The following PPM1J variants were observed in gnomAD, a reference collection of about 807,000 sequenced individuals.
The protein encoded by PPM1J is protein phosphatase, Mg2+/Mn2+ dependent 1J.
In PPM1J, 43 loss-of-function variants were observed where a neutral mutation model predicts 53.3. The observed-to-expected ratio is 0.81, with a 90% confidence interval of 0.63 to 1.04. PPM1J has a LOEUF of 1.04. Among genes scored for constraint, PPM1J ranks in the 50% least tolerant of loss-of-function variants. The pLI is 0.00. For synonymous variants in PPM1J, 267 were observed against 286.4 expected, an observed-to-expected ratio of 0.93 and a Z score of 0.68; for missense variants, 635 against 685.9, an observed-to-expected ratio of 0.93 and a Z score of 0.83.
rs750705334 is a variant in PPM1J at position 112,711,304 on chromosome 1, C to T, written c.1008G>A (p.Gly336=). ...FPRRVLPKEL[G]QRMLYRDQNM... ...TCTGGTCCCGGTACAACATCCTCTG[C>T]CCCAGCTCCTTGGGCAGAACTCTGC... Residue 336 remains glycine, a synonymous_variant, in exon 6 of 10, where the codon GGG becomes GGA. Coordinates refer to ENST00000309276, the MANE Select transcript of PPM1J (RefSeq NM_005167.7). 5 of 1,607,786 alleles carry T rather than the reference C, an allele frequency of 3.1e-6. No homozygotes were observed. In the South Asian group the frequency reaches 5.5e-5, roughly 18 times the overall value.
At chr1:112,712,125 A>G in intron 4 of PPM1J, 70 bp from the exon 5 acceptor site, 1 of 1,308,074 alleles carries the variant, frequency 7.6e-7, no homozygotes, top group Non-Finnish European at 1.1e-6. Context: ...TTCCAGAAAG[A>G]CCAGGCCCTC....
At position 112,712,982 on chromosome 1, in the gene PPM1J, C is replaced by T. The variant is rs1377305333; in HGVS notation, c.491G>A (p.Gly164Glu). The T allele has an allele frequency of 1.9e-6, 3 of 1,612,942 alleles. No individual in the cohort carries two copies. The highest frequency in any genetic ancestry group is 2.5e-6 in the Non-Finnish European group (3 of 1,179,652). The change falls in exon 3 of 10, where the codon GGA becomes GAA. Residue 164 changes from glycine to glutamate, a missense_variant. Physicochemically the swap from Gly to Glu is moderately conservative, Grantham distance 98. Transcript: ENST00000309276. ...WGLFDGHAGGGAAEMASRLLH... is the reference protein window; with the variant it reads ...WGLFDGHAGGEAAEMASRLLH... ...GAGCCGTGAGGCCATTTCAGCAGCT[C>T]CGCCCCCTGCATGCCCATCAAATAG...
chr1:112,714,648 T>G, intron 1 of PPM1J: 1 of 1,175,912 alleles, frequency 8.5e-7, no homozygotes, highest in Non-Finnish European at 1.1e-6. Flanking sequence ...GCCTTTAAGC[T>G]GCCGGGCCGC....
At chr1:112,712,703 G>A in intron 3 of PPM1J, 41 bp downstream of exon 3, 1 of 1,570,398 alleles carries the variant, frequency 6.4e-7, no homozygotes, top group Non-Finnish European at 8.7e-7. Context: ...GTTGGCCAGA[G>A]TGGTTGCCTA....
At position 112,713,413 on chromosome 1, in the gene PPM1J, C is replaced by G. The variant is rs951709912; in HGVS notation, c.441+84G>C. ...ATAGCCAGTGAGTTCATCAGGTCTTCCGCATGGCTCAGATTTAAAACCAGA... is the reference window on the plus strand; with the variant it reads ...ATAGCCAGTGAGTTCATCAGGTCTTGCGCATGGCTCAGATTTAAAACCAGA... On this transcript the variant is annotated intron_variant, in intron 2 of 9. Transcript: ENST00000309276. The G allele has an allele frequency of 4.3e-6, 4 of 939,372 alleles. No homozygotes were observed. The African/African-American group carries it at 6.4e-5, about 15-fold the overall frequency. 58.2% of individuals were successfully genotyped at this position (939,372 alleles called of 1,614,324 possible). A position where few individuals can be genotyped will look rare whatever the true frequency, so the allele number is the denominator to read the frequency against.
intron 3 of PPM1J, 104 bp downstream of exon 3, chr1:112,712,640 C>G: frequency 7.8e-7 from 1 of 1,278,432 alleles, no homozygotes; most frequent in Non-Finnish European, 1.1e-6. Flanking sequence ...TCTGCTCAGG[C>G]TCTCAAAGGT....
Position 112,712,433 on chromosome 1 carries a change from G to T in PPM1J, c.754C>A (p.Arg252Ser). Reference sequence around the variant, plus strand: ...CAGCCCCCCTCCACTTGGTGGCCACGCCGCTCCCGGGCCATCTGCTCATCC... The same window carrying T: ...CAGCCCCCCTCCACTTGGTGGCCACTCCGCTCCCGGGCCATCTGCTCATCC... ...LMDEQMARER[R>S]GHQVEGGCCA... The change falls in exon 4 of 10, where the codon CGT becomes AGT. Residue 252 changes from arginine to serine, a missense_variant. By Grantham distance (110) the Arg-to-Ser change is moderately radical (BLOSUM62 -1). Transcript: ENST00000309276. 1 of 1,613,804 alleles carries T rather than the reference G, an allele frequency of 6.2e-7. No homozygotes were observed. The highest frequency in any genetic ancestry group is 8.5e-7 in the Non-Finnish European group (1 of 1,179,928).
chr1:112,713,403 A>C, intron 2 of PPM1J, 94 bp downstream of exon 2: 1 of 846,196 alleles, frequency 1.2e-6, no homozygotes, highest in East Asian at 2.5e-5. Flanking sequence ...CAGTGAGTTC[A>C]TCAGGTCTTC....
Position 112,710,099 on chromosome 1 carries a change from C to T in PPM1J, c.*64G>A. ...TAAAGAAGGGTCAGGGAGACAACTT[C>T]AGAATTTGGGCTGTGAGAGGAGTAA... On this transcript the variant is annotated 3_prime_UTR_variant, in exon 10 of 10. Coordinates refer to ENST00000309276, the MANE Select transcript of PPM1J (RefSeq NM_005167.7). 8.0e-6 allele frequency: 12 copies of T among 1,491,546 alleles called. No homozygotes were observed. The highest frequency in any genetic ancestry group is 1.1e-5 in the Non-Finnish European group (12 of 1,123,068). The allele number at this position is 1,491,546 out of a possible 1,614,324, so 92.4% of individuals were successfully genotyped here.
At position 112,715,254 on chromosome 1, in the gene PPM1J, C is replaced by CCCGG. The variant is rs1675174991; in HGVS notation, c.44_47dup (p.Gly17ArgfsTer47). 3 of 1,366,044 alleles carry CCCGG rather than the reference C, an allele frequency of 2.2e-6. No individual in the cohort carries two copies. Among genetic ancestry groups the CCCGG allele is most frequent in the Non-Finnish European group, 2.8e-6 (3 of 1,068,502 alleles). The allele number at this position is 1,366,044 out of a possible 1,614,324, so 84.6% of individuals were successfully genotyped here. ...ATTTGGGGCGCGGAGGCGGAGCGCCCCCGGAGCTCACCAGGTGCGCCACGG... is the reference window on the plus strand; with the variant it reads ...ATTTGGGGCGCGGAGGCGGAGCGCCCCCGGCCGGAGCTCACCAGGTGCGCCACGG... On this transcript the variant is annotated frameshift_variant, in exon 1 of 10. Transcript: ENST00000309276. LOFTEE classifies it high-confidence loss of function. The surrounding 1 kb of genome is among the most constrained non-coding windows in gnomAD (Gnocchi z 4.4).
chr1:112,712,773 C>T lies in PPM1J; in HGVS notation c.700G>A (p.Gly234Arg). Reference sequence around the variant, plus strand: ...AGCTGGAAGGCATTCTCAACGGCCCCCACTACCAGGCTCTCGTGGCTCACT... The same window carrying T: ...AGCTGGAAGGCATTCTCAACGGCCCTCACTACCAGGCTCTCGTGGCTCACT... ...KEVSHESLVV[G>R]AVENAFQLMD... is the part of the protein sequence containing the mutation. The change falls in exon 3 of 10, where the codon GGG (glycine) becomes AGG (arginine). Residue 234 changes from glycine (G) to arginine (R), a missense_variant. Coordinates refer to ENST00000309276, the MANE Select transcript of PPM1J (RefSeq NM_005167.7). 6.2e-7 allele frequency: 1 copy of T among 1,611,898 alleles called. No homozygotes were observed. Among genetic ancestry groups the T allele is most frequent in the South Asian group, 1.1e-5 (1 of 90,938 alleles).
At position 112,710,608 on chromosome 1, in the gene PPM1J, G is replaced by C. The variant is rs147305772; in HGVS notation, c.1222C>G (p.Arg408Gly). 1.2e-6 allele frequency: 2 copies of C among 1,614,110 alleles called. No homozygotes were observed. The highest frequency in any genetic ancestry group is 1.7e-5 in the Admixed American group (1 of 60,022). The change falls in exon 9 of 10, where the codon CGA (arginine) becomes GGA (glycine). Residue 408 changes from arginine to glycine, a missense_variant. Coordinates refer to ENST00000309276, the MANE Select transcript of PPM1J (RefSeq NM_005167.7). Reference protein sequence around the residue: ...KPFLSCFPEVRVYDLTQYEHC... With the variant: ...KPFLSCFPEVGVYDLTQYEHC... The stretch of plus-strand genomic sequence containing the variant: ...TCATATTGTGTCAGGTCATACACTC[G>C]TACCTGGTGGGAGAAAAGGGCAGAG...
chr1:112,714,558 A>C, intron 1 of PPM1J: 1 of 998,326 alleles, frequency 1.0e-6, no homozygotes, highest in Non-Finnish European at 1.2e-6. Context: ...GGAGCCGGGA[A>C]GCGGGTGAGC....
chr1:112,713,105 G>A, intron 2 of PPM1J, 74 bp from the exon 3 acceptor site: 2 of 1,212,346 alleles, frequency 1.6e-6, no homozygotes, highest in Non-Finnish European at 2.2e-6. Flanking sequence ...TGTTATGCAA[G>A]GTGAATAACA....
At chr1:112,712,562 G>A in intron 3 of PPM1J, 105 bp from the exon 4 acceptor site, 5 of 1,205,712 alleles carry the variant, frequency 4.1e-6, no homozygotes, top group South Asian at 1.4e-5. Context: ...GCCCAGCCAG[G>A]CTACACTGGA....
At chr1:112,714,800 T>G (rs1675158762) in intron 1 of PPM1J, 176 bp downstream of exon 1, 2 of 1,268,790 alleles carry the variant, frequency 1.6e-6, no homozygotes, top group Non-Finnish European at 9.9e-7. Context: ...TGCCCCCCAC[T>G]GGAAAATGGG....
rs370837339 is a variant in PPM1J, at chr1:112,712,338, C to T, written c.842+7G>A. The T allele has an allele frequency of 5.6e-6, 9 of 1,601,512 alleles. No individual in the cohort carries two copies. In the African/African-American group the frequency reaches 9.4e-5, roughly 17 times the overall value. The stretch of plus-strand genomic sequence containing the variant: ...CTGTCGCCACCTTGGAGCCCCCTCC[C>T]CCATACCTGCTATCGCCTGCATTGG... On this transcript the variant is annotated splice_region_variant and intron_variant, in intron 4 of 9. Transcript: ENST00000309276.
rs1440548126 is a variant in PPM1J, at chr1:112,712,428, G to A, written c.759C>T (p.Gly253=). Residue 253 remains glycine (G), a synonymous_variant, in exon 4 of 10, where the codon GGC becomes GGT. Coordinates refer to ENST00000309276, the MANE Select transcript of PPM1J (RefSeq NM_005167.7). ...CACAGCAGCCCCCCTCCACTTGGTG[G>A]CCACGCCGCTCCCGGGCCATCTGCT... ...MDEQMARERR[G]HQVEGGCCAL... 1.2e-6 allele frequency: 2 copies of A among 1,613,914 alleles called. No homozygotes were observed. Among genetic ancestry groups the A allele is most frequent in the Admixed American group, 1.7e-5 (1 of 60,012 alleles).
chr1:112,713,501 C>G lies in PPM1J; in HGVS notation c.437G>C (p.Gly146Ala). The G allele has an allele frequency of 1.2e-6, 2 of 1,611,006 alleles. No individual in the cohort carries two copies. The highest frequency in any genetic ancestry group is 1.7e-6 in the Non-Finnish European group (2 of 1,177,448). The part of the protein sequence containing the change: ...VTGVPREPSR[G>A]QGLCFYYWGL... ...GGGAAAGGGGATGGGTCTTACCTGG[C>G]CTCGGCTAGGCTCCCTAGGTACTCC... The change falls in exon 2 of 10, where the codon GGC (glycine) becomes GCC (alanine). Residue 146 changes from glycine (G) to alanine (A), a missense_variant. Transcript: ENST00000309276.
Sources: allele counts gnomAD v4.1 joint callset, GRCh38; gene constraint gnomAD v4.1.1; non-coding constraint Gnocchi (gnomAD v3.1); transcripts MANE v1.5; gene names NCBI Gene and HGNC (gene_info 2026-07-23, HGNC 2026-07-21).